ATP9B: variants seen among roughly 807,000 people sequenced by gnomAD.
The protein encoded by ATP9B is ATPase phospholipid transporting 9B.
Under a neutral mutation model 146.1 loss-of-function variants are expected in ATP9B, and 110 were observed. The observed-to-expected ratio is 0.75, with a 90% CI of 0.65 to 0.88. The LOEUF (loss-of-function observed/expected upper bound fraction) is 0.88, where lower values mean the gene tolerates loss of function less well. Ranked by LOEUF, ATP9B falls within the 40% of genes least tolerant of loss-of-function variation. The pLI is 0.00. For missense variants in ATP9B, 1,499 were observed against 1,496.4 expected, an observed-to-expected ratio of 1.00 and a Z score of -0.03; for synonymous variants, 604 against 569.7, an observed-to-expected ratio of 1.06 and a Z score of -0.86.
intron 8 of ATP9B, 113 bp from the exon 9 acceptor site, chr18:79,193,070 A>G (rs570038227): frequency 5.2e-6 from 4 of 770,158 alleles, no homozygotes; most frequent in Admixed American, 6.4e-5. Context: ...AAGAAAATCA[A>G]TGATTGCTTT....
intron 15 of ATP9B, among the ~76,000 whole-genome samples, chr18:79,327,530 GTGGTTAGCGTGCTCT>G (rs2096757166): frequency 9.2e-6 from 1 of 109,236 alleles, no homozygotes. Flanking sequence ...CGTGCTCTCC[GTGGTTAGCGTGCTCT>G]CCGTGGTTAG....
intron 2 of ATP9B, among the ~76,000 whole-genome samples, chr18:79,105,877 T>C (rs931715795): frequency 1.3e-5 from 2 of 152,140 alleles, no homozygotes; most frequent in Non-Finnish European, 2.9e-5. Flanking sequence ...GACATCAGCA[T>C]TGTGTTGCTT....
At chr18:79,139,847 A>G (rs2094492960) in intron 5 of ATP9B, among the ~76,000 whole-genome samples, 2 of 152,138 alleles carry the variant, frequency 1.3e-5, no homozygotes, top group South Asian at 2.1e-4. Flanking sequence ...GCCTCTGGTA[A>G]TCACCCTTCT....
intron 7 of ATP9B, among the ~76,000 whole-genome samples, chr18:79,156,594 T>C (rs1367663277): frequency 6.6e-6 from 1 of 152,236 alleles, no homozygotes; most frequent in African/African-American, 2.4e-5. Flanking sequence ...GTTAATCTTT[T>C]ATGATAGCTG....
At chr18:79,313,596 T>C (rs2146716743) in intron 15 of ATP9B, among the ~76,000 whole-genome samples, 1 of 152,374 alleles carries the variant, frequency 6.6e-6, no homozygotes, top group Admixed American at 6.5e-5. Flanking sequence ...TATTACCTTA[T>C]TCCACATTTT....
chr18:79,259,991 C>T (rs1599363876), intron 12 of ATP9B, among the ~76,000 whole-genome samples: 1 of 152,140 alleles, frequency 6.6e-6, no homozygotes, highest in Non-Finnish European at 1.5e-5. Flanking sequence ...ATCCAGATCA[C>T]ATAAAATGCT....
chr18:79,283,145 T>C (rs2096396802), intron 13 of ATP9B, among the ~76,000 whole-genome samples: 1 of 152,250 alleles, frequency 6.6e-6, no homozygotes, highest in South Asian at 2.1e-4. Flanking sequence ...ATATAAATAA[T>C]TCTGCTCTTT....
chr18:79,250,431 T>C (rs1004250315), intron 11 of ATP9B, among the ~76,000 whole-genome samples: 15 of 152,156 alleles, frequency 9.9e-5, no homozygotes, highest in African/African-American at 3.6e-4. Context: ...CATCTTTAGG[T>C]TGAGGTAATT....
At chr18:79,243,060 CTA>C (rs562523349) in intron 11 of ATP9B, among the ~76,000 whole-genome samples, 137 of 152,308 alleles carry the variant, frequency 9.0e-4, no homozygotes, top group African/African-American at 3.2e-3. Flanking sequence ...ACTGCTATAA[CTA>C]TCCTTCATTC....
chr18:79,142,788 C>T (rs1010094929), intron 5 of ATP9B, among the ~76,000 whole-genome samples: 1 of 151,982 alleles, frequency 6.6e-6, no homozygotes, highest in Non-Finnish European at 1.5e-5. Flanking sequence ...TTGATATATC[C>T]AAATCTTTAG....
chr18:79,286,815 G>A (rs1188973597), intron 13 of ATP9B, among the ~76,000 whole-genome samples: 1 of 152,162 alleles, frequency 6.6e-6, no homozygotes, highest in Non-Finnish European at 1.5e-5. Flanking sequence ...TTTATTGAGA[G>A]TTTTTAGCAT....
intron 5 of ATP9B, among the ~76,000 whole-genome samples, chr18:79,128,387 T>C (rs1388968168): frequency 6.6e-6 from 1 of 152,216 alleles, no homozygotes; most frequent in East Asian, 1.9e-4. Flanking sequence ...GTTGTTTGAT[T>C]CATTTTGTGT....
At chr18:79,128,052 C>CTTTTTTT (rs1173565651) in intron 5 of ATP9B, among the ~76,000 whole-genome samples, 20 of 71,722 alleles carry the variant, frequency 2.8e-4, no homozygotes, top group African/African-American at 6.7e-4. Context: ...CCTTTGCCGA[C>CTTTTTTT]TTTTTTTTTT....
intron 26 of ATP9B, among the ~76,000 whole-genome samples, chr18:79,366,273 T>A (rs2097028321): frequency 6.6e-6 from 1 of 152,180 alleles, no homozygotes; most frequent in Non-Finnish European, 1.5e-5. Flanking sequence ...CGTGCCTCTC[T>A]CAGAGCCCGC....
At position 79,376,214 on chromosome 18, in the gene ATP9B, C is replaced by CACACACACACACACACAAAA; in HGVS notation, c.3307+789_3307+790insCACACACACACACACAAAAA. On this transcript the variant is annotated intron_variant, in intron 29 of 29. Coordinates refer to ENST00000426216, the MANE Select transcript of ATP9B (RefSeq NM_198531.5). ...ACACACACACACACACACACACACA[C>CACACACACACACACACAAAA]AAAACAAAACAAAAAAATGGCTAGC... The CACACACACACACACACAAAA allele has an allele frequency of 4.0e-4, 350 of 884,162 alleles. 12 individuals carry two copies. The highest frequency in any genetic ancestry group is 2.3e-3 in the East Asian group (18 of 7,684). The allele number at this position is 884,162 out of a possible 1,614,324, so 54.8% of individuals were successfully genotyped here.
intron 14 of ATP9B, among the ~76,000 whole-genome samples, 161 bp from the exon 15 acceptor site, chr18:79,306,824 AT>A (rs543698838): frequency 1.2e-4 from 18 of 152,368 alleles, no homozygotes; most frequent in African/African-American, 3.8e-4. Context: ...GCTTAAAAAA[AT>A]AACTCATTAA....
Position 79,345,591 on chromosome 18 carries a change from G to A in ATP9B, c.2617+19G>A, listed in dbSNP as rs761691596. 1 of 1,602,988 alleles carries A rather than the reference G, an allele frequency of 6.2e-7. No individual in the cohort carries two copies. Among genetic ancestry groups the A allele is most frequent in the Non-Finnish European group, 8.5e-7 (1 of 1,176,926 alleles). On this transcript the variant is annotated intron_variant, in intron 22 of 29. Transcript: ENST00000426216. Reference sequence around the variant, plus strand: ...GCCATCGGTGAGAGCCGCCCACCCTGCTCACAGGGAGGTCTCCAGAGAAAC... The same window carrying A: ...GCCATCGGTGAGAGCCGCCCACCCTACTCACAGGGAGGTCTCCAGAGAAAC...
intron 7 of ATP9B, among the ~76,000 whole-genome samples, chr18:79,155,936 G>T (rs1204936909): frequency 6.6e-6 from 1 of 151,452 alleles, no homozygotes; most frequent in East Asian, 2.0e-4. Context: ...CTAATTTTTT[G>T]TATTTTTAGT....
intron 1 of ATP9B, chr18:79,085,307 T>C (rs2073712813): frequency 6.6e-6 from 1 of 152,196 alleles, no homozygotes; most frequent in South Asian, 2.1e-4. Context: ...ACCTCTGACA[T>C]TGGGGATCAC....
Sources: gnomAD v4.1 joint callset for allele counts (sites outside exome capture counted in the v4.1 genomes callset) on GRCh38, gnomAD v4.1.1 for gene constraint, MANE v1.5 for transcripts, NCBI Gene and HGNC (gene_info 2026-07-23, HGNC 2026-07-21) for gene names.